STAM: variants seen among roughly 807,000 people sequenced by gnomAD.
The protein encoded by STAM is signal transducing adaptor molecule.
Under a neutral mutation model 63.4 loss-of-function variants are expected in STAM, and 16 were observed. That is an observed-to-expected ratio of 0.25 (90% CI 0.17 to 0.38). The LOEUF (loss-of-function observed/expected upper bound fraction) is 0.38. Ranked by LOEUF, STAM falls within the 10% of genes least tolerant of loss-of-function variation. The probability of loss-of-function intolerance (pLI) is 1.00; values close to 1 mark genes in which losing one functional copy is unlikely to be tolerated. For missense variants in STAM, 636 were observed against 657.1 expected (o/e 0.97, Z 0.35); for synonymous variants, 238 against 223.9 (o/e 1.06, Z -0.56).
At chr10:17,653,103 T>C (rs1331685315) in intron 1 of STAM, among the ~76,000 whole-genome samples, 2 of 152,108 alleles carry the variant, frequency 1.3e-5, no homozygotes, top group Non-Finnish European at 2.9e-5. Context: ...ACTAACCATG[T>C]GATTAAAGGA....
intron 2 of STAM, among the ~76,000 whole-genome samples, chr10:17,663,323 G>A (rs1284015272): frequency 6.6e-6 from 1 of 151,580 alleles, no homozygotes; most frequent in African/African-American, 2.4e-5. Context: ...AGTATCAATA[G>A]GTTTAGACAC....
intron 1 of STAM, among the ~76,000 whole-genome samples, chr10:17,658,674 G>A (rs1448899844): frequency 1.3e-5 from 2 of 151,950 alleles, no homozygotes; most frequent in Non-Finnish European, 2.9e-5. Flanking sequence ...TTTTGTAGAG[G>A]AGAGGTTTCG....
At position 17,684,679 on chromosome 10, in the gene STAM, A is replaced by G. The variant is rs1554825863; in HGVS notation, c.130A>G (p.Lys44Glu). The G allele has an allele frequency of 1.2e-6, 2 of 1,611,890 alleles. No homozygotes were observed. The highest frequency in any genetic ancestry group is 1.7e-6 in the Non-Finnish European group (2 of 1,179,396). The change falls in exon 3 of 14, where the codon AAG becomes GAG. Residue 44 changes from lysine (K) to glutamate (E), a missense_variant. By Grantham distance (56) the Lys-to-Glu change is moderately conservative. This residue lies in a region of STAM where 87 missense variants were observed against 80.3 expected (regional missense o/e 1.08). Coordinates refer to ENST00000377524, the MANE Select transcript of STAM (RefSeq NM_003473.4). The stretch of plus-strand genomic sequence containing the variant: ...TTACTTTTCTCATTTTTTTAGACCT[A>G]AGGATTGTCTTCGGTCTATTATGAG... ...DKVGQSRTGP[K>E]DCLRSIMRRV... is the part of the protein sequence containing the mutation.
At chr10:17,694,947 C>T in intron 6 of STAM, 102 bp from the exon 7 acceptor site, 1 of 1,062,298 alleles carries the variant, frequency 9.4e-7, no homozygotes. Context: ...TCTAACTATA[C>T]TATTGAAGGA....
intron 8 of STAM, 81 bp downstream of exon 8, chr10:17,696,950 A>AGT: frequency 8.5e-7 from 1 of 1,172,232 alleles, no homozygotes; most frequent in Non-Finnish European, 1.3e-6. Flanking sequence ...AACTTTTTAG[A>AGT]GCAGTGTTGC....
intron 2 of STAM, among the ~76,000 whole-genome samples, chr10:17,675,955 C>A (rs1834837999): frequency 6.6e-6 from 1 of 151,918 alleles, no homozygotes; most frequent in Non-Finnish European, 1.5e-5. Context: ...TGAGTACTTC[C>A]AACACGATGA....
At chr10:17,671,221 CCTT>C (rs782785067) in intron 2 of STAM, among the ~76,000 whole-genome samples, 1 of 152,122 alleles carries the variant, frequency 6.6e-6, no homozygotes, top group Non-Finnish European at 1.5e-5. Context: ...GTACATATGT[CCTT>C]GAATGGTAAA....
chr10:17,681,816 G>C (rs1835098016), intron 2 of STAM, among the ~76,000 whole-genome samples: 1 of 152,190 alleles, frequency 6.6e-6, no homozygotes. Flanking sequence ...GTAAATGGAG[G>C]ACTTGGTTTG....
rs372263762 is a variant in STAM, at chr10:17,660,454, C to T, written c.41-10C>T. 60 of 1,562,132 alleles carry T rather than the reference C, an allele frequency of 3.8e-5. No homozygotes were observed. In the African/African-American group the frequency reaches 8.3e-4, roughly 22 times the overall value. ...AATAATGTTTCTGCAATCCCCTTTACAATCTACAGAGAAAGCAACCAGCGA... is the reference window on the plus strand; with the variant it reads ...AATAATGTTTCTGCAATCCCCTTTATAATCTACAGAGAAAGCAACCAGCGA... On this transcript the variant is annotated splice_polypyrimidine_tract_variant and intron_variant, in intron 1 of 13. Coordinates refer to ENST00000377524, the MANE Select transcript of STAM (RefSeq NM_003473.4).
At chr10:17,665,589 A>G (rs1225821969) in intron 2 of STAM, among the ~76,000 whole-genome samples, 5 of 152,022 alleles carry the variant, frequency 3.3e-5, no homozygotes, top group African/African-American at 1.2e-4. Flanking sequence ...ATTTCTTTTA[A>G]GTCTATTAGT....
intron 6 of STAM, 98 bp from the exon 7 acceptor site, chr10:17,694,951 T>C (rs1236147066): frequency 8.8e-7 from 1 of 1,142,484 alleles, no homozygotes; most frequent in Admixed American, 2.5e-5. Context: ...ACTATACTAT[T>C]GAAGGAAGAA....
At position 17,716,164 on chromosome 10, in the gene STAM, G is replaced by T. The variant is rs548482512; in HGVS notation, c.*1384G>T. ...TTAGCACTATTTAAACAACGGAAAA[G>T]TTGAGTCGAACATCATATTTAATGA... On this transcript the variant is annotated 3_prime_UTR_variant, in exon 14 of 14. Transcript: ENST00000377524. 6.6e-6 allele frequency among the ~76,000 whole-genome samples: 1 copy of T among 152,204 alleles called. No homozygotes were observed. Among genetic ancestry groups the T allele is most frequent in the South Asian group, 2.1e-4 (1 of 4,818 alleles).
At chr10:17,687,307 T>A (rs963966747) in intron 4 of STAM, among the ~76,000 whole-genome samples, 23 of 152,186 alleles carry the variant, frequency 1.5e-4, no homozygotes, top group African/African-American at 5.5e-4. Flanking sequence ...AAACCCCGCG[T>A]CTGCTAAAAG....
At chr10:17,681,306 C>T (rs774954667) in intron 2 of STAM, among the ~76,000 whole-genome samples, 11 of 150,068 alleles carry the variant, frequency 7.3e-5, no homozygotes, top group Non-Finnish European at 1.3e-4. Context: ...TCATTAATCT[C>T]AAAGTATTTT....
At chr10:17,704,837 T>G in intron 10 of STAM, 133 bp from the exon 11 acceptor site, 1 of 761,496 alleles carries the variant, frequency 1.3e-6, no homozygotes, top group Non-Finnish European at 2.1e-6. Flanking sequence ...TTCTGTAGAC[T>G]AAGGTTAAAG....
intron 9 of STAM, among the ~76,000 whole-genome samples, chr10:17,701,485 T>G (rs1835994370): frequency 6.6e-6 from 1 of 152,182 alleles, no homozygotes; most frequent in Non-Finnish European, 1.5e-5. Context: ...CACAGATAAA[T>G]TTGTTTATAT....
Position 17,660,456 on chromosome 10 carries a change from A to T in STAM, c.41-8A>T, listed in dbSNP as rs371945645. 64 of 1,571,096 alleles carry T rather than the reference A, an allele frequency of 4.1e-5. No individual in the cohort carries two copies. Among genetic ancestry groups the T allele is most frequent in the East Asian group, 6.9e-5 (3 of 43,184 alleles). Reference sequence around the variant, plus strand: ...TAATGTTTCTGCAATCCCCTTTACAATCTACAGAGAAAGCAACCAGCGAGA... The same window carrying T: ...TAATGTTTCTGCAATCCCCTTTACATTCTACAGAGAAAGCAACCAGCGAGA... On this transcript the variant is annotated splice_polypyrimidine_tract_variant and splice_region_variant and intron_variant, in intron 1 of 13. Coordinates refer to ENST00000377524, the MANE Select transcript of STAM (RefSeq NM_003473.4).
chr10:17,649,114 CCTT>C (rs1282442926), intron 1 of STAM, among the ~76,000 whole-genome samples: 4 of 152,152 alleles, frequency 2.6e-5, no homozygotes, highest in Non-Finnish European at 5.9e-5. Context: ...TAAAAAATAT[CCTT>C]CTTGGGCTGA....
At chr10:17,687,757 T>A (rs1835354567) in intron 4 of STAM, among the ~76,000 whole-genome samples, 1 of 152,208 alleles carries the variant, frequency 6.6e-6, no homozygotes, top group Non-Finnish European at 1.5e-5. Context: ...GTACAAACCT[T>A]GCTTCGTTGC....
Sources: allele counts gnomAD v4.1 joint callset (sites outside exome capture counted in the v4.1 genomes callset), GRCh38; gene constraint gnomAD v4.1.1; regional missense constraint gnomAD v4.1.1; transcripts MANE v1.5; gene names NCBI Gene and HGNC (gene_info 2026-07-23, HGNC 2026-07-21).